Variants in AGBL1 observed in about 807,000 individuals in gnomAD.
AGBL1 encodes cytosolic carboxypeptidase 4.
A neutral mutation model predicts 118.9 loss-of-function variants in AGBL1; 130 were observed. That is an observed-to-expected ratio of 1.09 (90% confidence interval 0.95 to 1.26). AGBL1 has a LOEUF of 1.26. Among genes scored for constraint, AGBL1 ranks in the 50% most tolerant of loss-of-function variants. The pLI is 0.00. For missense variants in AGBL1, 1,584 were observed against 1,298.1 expected (o/e 1.22, Z -3.38); for synonymous variants, 555 against 478.9 (o/e 1.16, Z -2.08).
chr15:86,872,824 C>A (rs1009562842), intron 22 of AGBL1, among the ~76,000 whole-genome samples: 1 of 152,160 alleles, frequency 6.6e-6, no homozygotes, highest in African/African-American at 2.4e-5. Flanking sequence ...GTTTAGCAAT[C>A]CTGTTTTTTA....
intron 23 of AGBL1, among the ~76,000 whole-genome samples, chr15:86,951,369 G>A (rs551543297): frequency 6.7e-4 from 102 of 152,252 alleles, no homozygotes; most frequent in Non-Finnish European, 1.2e-3. Flanking sequence ...TTCATCAAAA[G>A]TCAAATATAA....
chr15:86,581,508 C>T (rs2084172187), intron 21 of AGBL1, among the ~76,000 whole-genome samples: 1 of 152,114 alleles, frequency 6.6e-6, no homozygotes, highest in Admixed American at 6.6e-5. Flanking sequence ...GAGGCCATTG[C>T]AAAAACCATT....
At chr15:86,107,192 G>A (rs186160366) in intron 1 of AGBL1, among the ~76,000 whole-genome samples, 1 of 152,304 alleles carries the variant, frequency 6.6e-6, no homozygotes, top group East Asian at 1.9e-4. Context: ...GGCGACCACA[G>A]GACAATGTGA....
chr15:86,243,947 G>A lies in AGBL1; in HGVS notation c.527-3724G>A, dbSNP rs2078677467. Among the ~76,000 whole-genome samples, 3 of 152,060 alleles carry A rather than the reference G, an allele frequency of 2.0e-5. No homozygotes were observed. The South Asian group carries it at 6.2e-4, about 32-fold the overall frequency. On this transcript the variant is annotated intron_variant, in intron 6 of 22. Transcript: ENST00000614907. ...AGGCAGGAGAGTCACTTGAACTTGG[G>A]AGGCAGAGATTACAGTGAGCCGAGA...
At chr15:86,406,266 A>G (rs1209414304) in intron 18 of AGBL1, among the ~76,000 whole-genome samples, 3 of 152,166 alleles carry the variant, frequency 2.0e-5, no homozygotes, top group Non-Finnish European at 2.9e-5. Flanking sequence ...CCTACTGTCA[A>G]CTGTCAAGGG....
intron 24 of AGBL1, among the ~76,000 whole-genome samples, chr15:87,021,944 C>T (rs148714893): frequency 5.5e-4 from 83 of 152,236 alleles, no homozygotes; most frequent in African/African-American, 2.0e-3. Context: ...TCACGGCTGA[C>T]AGACCTACAG....
chr15:86,695,369 G>A (rs910198575), intron 22 of AGBL1, among the ~76,000 whole-genome samples: 4 of 151,898 alleles, frequency 2.6e-5, no homozygotes, highest in African/African-American at 4.8e-5. Flanking sequence ...AGGTTTTTTA[G>A]TTTATGTGCA....
chr15:86,503,842 C>T (rs2082944684), intron 18 of AGBL1, among the ~76,000 whole-genome samples: 1 of 151,410 alleles, frequency 6.6e-6, no homozygotes, highest in South Asian at 2.1e-4. Flanking sequence ...TGTTTTATGG[C>T]CAACCATGTG....
At chr15:86,109,159 AT>A (rs1897221879) in intron 1 of AGBL1, among the ~76,000 whole-genome samples, 1 of 152,236 alleles carries the variant, frequency 6.6e-6, no homozygotes, top group Non-Finnish European at 1.5e-5. Flanking sequence ...CTCATTAAAT[AT>A]TACTATTAAT....
chr15:86,353,618 G>C (rs1249459421), intron 17 of AGBL1, among the ~76,000 whole-genome samples: 1 of 152,152 alleles, frequency 6.6e-6, no homozygotes, highest in Non-Finnish European at 1.5e-5. Context: ...ATCATTTGAA[G>C]AATAAGGGAA....
intron 1 of AGBL1, among the ~76,000 whole-genome samples, chr15:86,111,207 C>G (rs954461546): frequency 4.6e-5 from 7 of 152,210 alleles, no homozygotes; most frequent in Admixed American, 1.3e-4. Flanking sequence ...ATGACCTTCT[C>G]TCTTTACCTC....
At chr15:86,257,100 A>C in intron 8 of AGBL1, 82 bp downstream of exon 8, 1 of 1,402,266 alleles carries the variant, frequency 7.1e-7, no homozygotes, top group Admixed American at 2.4e-5. Context: ...GTGAAAATAG[A>C]ATTCGTTATT....
intron 1 of AGBL1, among the ~76,000 whole-genome samples, chr15:86,115,518 T>G (rs1156289859): frequency 6.6e-6 from 1 of 152,128 alleles, no homozygotes; most frequent in Non-Finnish European, 1.5e-5. Context: ...TGAATGACAA[T>G]ATTGTGATTT....
rs115039075 is a variant in AGBL1 at position 86,507,580 on chromosome 15, A to C, written c.2556-15230A>C. ...TGGATAGTGTTAATTGTAGTGAATA[A>C]AATAATGTAGGTTGGAAAATAGAGG... is the stretch of plus-strand genomic sequence containing the variant. On this transcript the variant is annotated intron_variant, in intron 18 of 22. Coordinates refer to ENST00000614907, the MANE Select transcript of AGBL1 (RefSeq NM_001386094.1). Among the ~76,000 whole-genome samples, 1,277 of 152,202 alleles carry C rather than the reference A, an allele frequency of 8.4e-3. 16 individuals carry two copies. Among genetic ancestry groups the C allele is most frequent in the African/African-American group, 0.029 (1,220 of 41,538 alleles).
intron 21 of AGBL1, among the ~76,000 whole-genome samples, chr15:86,591,997 A>T (rs2084343475): frequency 6.6e-6 from 1 of 152,176 alleles, no homozygotes; most frequent in Non-Finnish European, 1.5e-5. Flanking sequence ...GAGGTCAAGG[A>T]CCAAATATAT....
At chr15:86,670,559 G>A (rs182252751) in intron 21 of AGBL1, among the ~76,000 whole-genome samples, 81 of 150,252 alleles carry the variant, frequency 5.4e-4, no homozygotes, top group African/African-American at 1.9e-3. Context: ...AGCTGAGATC[G>A]TGCCACTGCA....
At chr15:86,290,343 C>CTTTTTTTT (rs559169172) in intron 16 of AGBL1, among the ~76,000 whole-genome samples, 35 of 134,314 alleles carry the variant, frequency 2.6e-4, no homozygotes, top group East Asian at 6.5e-4. Context: ...TCTTTTCTTT[C>CTTTTTTTT]TTTTTTTTTT....
At chr15:86,632,284 A>G (rs1196198964) in intron 21 of AGBL1, among the ~76,000 whole-genome samples, 1 of 151,012 alleles carries the variant, frequency 6.6e-6, no homozygotes, top group Middle Eastern at 3.4e-3. Flanking sequence ...TAAAAAAAAA[A>G]AAAAAAAAGG....
At chr15:86,625,014 A>C (rs2084862385) in intron 21 of AGBL1, among the ~76,000 whole-genome samples, 1 of 152,172 alleles carries the variant, frequency 6.6e-6, no homozygotes, top group African/African-American at 2.4e-5. Flanking sequence ...CCCGTGAGTG[A>C]GATGAAGGAC....
Sources: gnomAD v4.1 joint callset for allele counts (sites outside exome capture counted in the v4.1 genomes callset) on GRCh38, gnomAD v4.1.1 for gene constraint, MANE v1.5 for transcripts, NCBI Gene and HGNC (gene_info 2026-07-23, HGNC 2026-07-21) for gene names.